Variants in AFG2A observed in about 807,000 individuals in gnomAD.
The protein encoded by AFG2A is ATPase family gene 2 protein homolog A.
chr4:123,260,870 A>G, the AFG2A span, among the ~76,000 whole-genome samples: 1 of 152,154 alleles, frequency 6.6e-6, no homozygotes, highest in East Asian at 1.9e-4. Context: ...GGGGTCCCCA[A>G]CCTCCTGGCC....
chr4:122,936,156 G>A, the AFG2A span: 3 of 1,596,370 alleles, frequency 1.9e-6, no homozygotes, highest in Non-Finnish European at 2.6e-6. Flanking sequence ...GCCACTCTAC[G>A]GTACTCTTTA....
the AFG2A span, among the ~76,000 whole-genome samples, chr4:123,248,866 C>T: frequency 6.6e-6 from 1 of 152,090 alleles, no homozygotes; most frequent in African/African-American, 2.4e-5. Context: ...CTAACATTGC[C>T]TATGTTCAAG....
At chr4:122,956,359 A>G in the AFG2A span, among the ~76,000 whole-genome samples, 2 of 152,218 alleles carry the variant, frequency 1.3e-5, no homozygotes, top group African/African-American at 2.4e-5. Flanking sequence ...GACTCAAGAA[A>G]GGCCTCAGAG....
At chr4:123,055,340 G>T in the AFG2A span, among the ~76,000 whole-genome samples, 1 of 152,092 alleles carries the variant, frequency 6.6e-6, no homozygotes, top group African/African-American at 2.4e-5. Context: ...AACCTGAAAT[G>T]TTACTTTCTC....
At chr4:122,938,092 G>C in the AFG2A span, 4 of 1,548,208 alleles carry the variant, frequency 2.6e-6, no homozygotes, top group South Asian at 5.1e-5. Context: ...ATCAAATATA[G>C]ATGAGAGATT....
chr4:123,045,567 A>T, the AFG2A span, among the ~76,000 whole-genome samples: 9 of 152,298 alleles, frequency 5.9e-5, no homozygotes, highest in Non-Finnish European at 2.9e-5. Context: ...TGTGAAAAAT[A>T]TCCTTAAATT....
chr4:123,133,979 T>C, the AFG2A span, among the ~76,000 whole-genome samples: 1 of 152,226 alleles, frequency 6.6e-6, no homozygotes, highest in African/African-American at 2.4e-5. Context: ...ATGTGTTCTC[T>C]TGATATTGAG....
chr4:123,066,123 A>T, the AFG2A span, among the ~76,000 whole-genome samples: 1 of 152,188 alleles, frequency 6.6e-6, no homozygotes, highest in Non-Finnish European at 1.5e-5. Flanking sequence ...AAAATAAAAA[A>T]GTTCTAAGCT....
At chr4:123,032,452 G>A in the AFG2A span, among the ~76,000 whole-genome samples, 1 of 152,130 alleles carries the variant, frequency 6.6e-6, no homozygotes, top group South Asian at 2.1e-4. Context: ...GAATGCAGTG[G>A]CGCGATCTCG....
chr4:123,037,889 C>T, the AFG2A span, among the ~76,000 whole-genome samples: 108 of 152,126 alleles, frequency 7.1e-4, no homozygotes, highest in African/African-American at 2.6e-3. Flanking sequence ...AGAAAGAGTG[C>T]TGGTTTGGAA....
chr4:123,309,819 A>T, the AFG2A span, among the ~76,000 whole-genome samples: 1 of 152,022 alleles, frequency 6.6e-6, no homozygotes. Context: ...GTCTGGTCCC[A>T]AGCATTTCAG....
chr4:123,003,277 G>T, the AFG2A span, among the ~76,000 whole-genome samples: 1 of 152,186 alleles, frequency 6.6e-6, no homozygotes. Flanking sequence ...GGAGTAGTTT[G>T]ATCATTTGAA....
At chr4:123,154,586 C>CA in the AFG2A span, among the ~76,000 whole-genome samples, 1 of 152,104 alleles carries the variant, frequency 6.6e-6, no homozygotes, top group Non-Finnish European at 1.5e-5. Flanking sequence ...AAAATAGAAA[C>CA]AGTTGAATTT....
the AFG2A span, among the ~76,000 whole-genome samples, chr4:123,153,189 A>G: frequency 6.6e-6 from 1 of 152,148 alleles, no homozygotes; most frequent in Non-Finnish European, 1.5e-5. Flanking sequence ...CTTATCTGGG[A>G]CTTTCTCCTG....
the AFG2A span, among the ~76,000 whole-genome samples, chr4:123,024,603 A>G: frequency 6.6e-6 from 1 of 152,352 alleles, no homozygotes; most frequent in South Asian, 2.1e-4. Flanking sequence ...CTAAGTAATC[A>G]AAGGAAGGAC....
chr4:122,998,560 T>C, the AFG2A span, among the ~76,000 whole-genome samples: 1 of 150,468 alleles, frequency 6.6e-6, no homozygotes, highest in East Asian at 2.0e-4. Flanking sequence ...GAACATGCGG[T>C]GTTTGGTTTT....
At chr4:123,073,623 A>G in the AFG2A span, among the ~76,000 whole-genome samples, 1 of 152,146 alleles carries the variant, frequency 6.6e-6, no homozygotes, top group Non-Finnish European at 1.5e-5. Context: ...GGTTGTACTC[A>G]TTACTACTTC....
chr4:122,957,253 T>TTA, the AFG2A span, among the ~76,000 whole-genome samples: 3 of 152,234 alleles, frequency 2.0e-5, no homozygotes, highest in African/African-American at 7.2e-5. Flanking sequence ...TGACTTACAC[T>TTA]TATGTAGTTA....
the AFG2A span, among the ~76,000 whole-genome samples, chr4:123,236,038 C>T: frequency 1.3e-5 from 2 of 152,014 alleles, no homozygotes; most frequent in African/African-American, 4.8e-5. Flanking sequence ...TTGATATGAC[C>T]CATGTGTTAG....
Sources: gnomAD v4.1 joint callset for allele counts (sites outside exome capture counted in the v4.1 genomes callset) on GRCh38, gnomAD v4.1.1 for gene constraint, MANE v1.5 for transcripts, NCBI Gene and HGNC (gene_info 2026-07-23, HGNC 2026-07-21) for gene names.